MBOAT1: variants seen among roughly 807,000 people sequenced by gnomAD.
The protein encoded by MBOAT1 is membrane bound glycerophospholipid O-acyltransferase 1, also known as membrane-bound glycerophospholipid O-acyltransferase 1.
Under a neutral mutation model 64.4 loss-of-function variants are expected in MBOAT1, and 67 were observed. That is an observed-to-expected ratio of 1.04 (90% CI 0.85 to 1.27). The LOEUF (loss-of-function observed/expected upper bound fraction) is 1.27. Among genes scored for constraint, MBOAT1 ranks in the 50% most tolerant of loss-of-function variants. The pLI, the probability that MBOAT1 is intolerant of heterozygous loss-of-function variation, is 0.00. For synonymous variants in MBOAT1, 229 were observed against 218.9 expected (o/e 1.05, Z -0.41); for missense variants, 563 against 604.6 (o/e 0.93, Z 0.72).
intron 8 of MBOAT1, among the ~76,000 whole-genome samples, chr6:20,121,973 T>C (rs1760505494): frequency 6.6e-6 from 1 of 152,054 alleles, no homozygotes; most frequent in African/African-American, 2.4e-5. Context: ...AAGACCAGCC[T>C]GGCCAACATG....
chr6:20,105,626 C>T (rs1581391225), intron 12 of MBOAT1, among the ~76,000 whole-genome samples: 1 of 152,026 alleles, frequency 6.6e-6, no homozygotes, highest in African/African-American at 2.4e-5. Context: ...TAGGCGGGTG[C>T]GGTCGCACGT....
intron 1 of MBOAT1, among the ~76,000 whole-genome samples, chr6:20,164,788 T>C (rs544476106): frequency 6.7e-4 from 102 of 152,280 alleles, no homozygotes; most frequent in African/African-American, 2.1e-3. Flanking sequence ...TTTATGATGG[T>C]TCGACTTACG....
At chr6:20,183,922 AG>A (rs1431394868) in intron 1 of MBOAT1, among the ~76,000 whole-genome samples, 1 of 152,202 alleles carries the variant, frequency 6.6e-6, no homozygotes, top group Non-Finnish European at 1.5e-5. Flanking sequence ...AAAATGAGGA[AG>A]AAGTAAAAGT....
intron 11 of MBOAT1, among the ~76,000 whole-genome samples, chr6:20,110,144 T>C (rs6918747): frequency 0.098 from 14,878 of 151,524 alleles, 1,276 homozygotes; most frequent in African/African-American, 0.23. Context: ...TTCCTGACCT[T>C]GTGATCTGCC....
At position 20,128,440 on chromosome 6, in the gene MBOAT1, C is replaced by T. The variant is rs569766479; in HGVS notation, c.530+259G>A. Among the ~76,000 whole-genome samples the T allele has an allele frequency of 7.9e-4, 121 of 152,204 alleles. 1 individual carries two copies. Among genetic ancestry groups the T allele is most frequent in the African/African-American group, 2.6e-3 (109 of 41,538 alleles). ...CAGTTCTATTTACTCTTTGACCTAA[C>T]GATTCTACTTCTGAGACTCTATCCT... On this transcript the variant is annotated intron_variant, in intron 6 of 12. Coordinates refer to ENST00000324607, the MANE Select transcript of MBOAT1 (RefSeq NM_001080480.3).
chr6:20,201,705 C>T (rs1174674101), intron 1 of MBOAT1, among the ~76,000 whole-genome samples: 1 of 151,678 alleles, frequency 6.6e-6, no homozygotes, highest in Non-Finnish European at 1.5e-5. Flanking sequence ...CTCAGCCTCC[C>T]GAGTAGCTGG....
chr6:20,109,582 A>T lies in MBOAT1; in HGVS notation c.1361+16T>A, dbSNP rs190737911. On this transcript the variant is annotated intron_variant, in intron 12 of 12. Coordinates refer to ENST00000324607, the MANE Select transcript of MBOAT1 (RefSeq NM_001080480.3). ...AGTCATTTACGAGATGGCAACTGAG[A>T]ACAACGGAAACTTACTTGTATAAGC... 2,438 of 1,602,796 alleles carry T rather than the reference A, an allele frequency of 1.5e-3. 10 individuals are homozygous for T. The highest frequency in any genetic ancestry group is 1.5e-3 in the Non-Finnish European group (1,792 of 1,172,468).
At chr6:20,208,901 CTG>C (rs1763343073) in intron 1 of MBOAT1, among the ~76,000 whole-genome samples, 1 of 152,222 alleles carries the variant, frequency 6.6e-6, no homozygotes, top group Admixed American at 6.5e-5. Context: ...AATGACGTAA[CTG>C]TGCACTACAC....
At chr6:20,132,925 CTG>C (rs1301835862) in intron 4 of MBOAT1, among the ~76,000 whole-genome samples, 4 of 152,218 alleles carry the variant, frequency 2.6e-5, no homozygotes, top group Admixed American at 1.3e-4. Context: ...ATCCACTTCT[CTG>C]TGAGTCTATT....
In MBOAT1 at chr6:20,115,320, GT is replaced by G; in HGVS notation, c.1043del (p.Asn348ThrfsTer10). The G allele has an allele frequency of 1.2e-6, 2 of 1,614,002 alleles. No homozygotes were observed. Among genetic ancestry groups the G allele is most frequent in the African/African-American group, 2.7e-5 (2 of 75,012 alleles). ...GCCAAGTAGCTGTCTGAATATTCCA[GT>G]TTTCCAAGTACATTTTGAAACTTGT... ...TATSFKMYLE[N>X]WNIQTATWLK... is the part of the protein sequence containing the mutation. On this transcript the variant is annotated frameshift_variant, in exon 10 of 13. Coordinates refer to ENST00000324607, the MANE Select transcript of MBOAT1 (RefSeq NM_001080480.3). LOFTEE classifies it high-confidence loss of function.
chr6:20,173,251 T>C (rs1020159959), intron 1 of MBOAT1, among the ~76,000 whole-genome samples: 1 of 152,144 alleles, frequency 6.6e-6, no homozygotes, highest in Non-Finnish European at 1.5e-5. Context: ...AATGGACTAA[T>C]ACAGATGGAT....
At chr6:20,155,893 C>T (rs1345996357) in intron 1 of MBOAT1, among the ~76,000 whole-genome samples, 1 of 152,122 alleles carries the variant, frequency 6.6e-6, no homozygotes, top group Non-Finnish European at 1.5e-5. Context: ...AAAGTTTTCC[C>T]CAATCCCTTT....
intron 4 of MBOAT1, among the ~76,000 whole-genome samples, chr6:20,137,333 G>A (rs1217078079): frequency 6.6e-6 from 1 of 152,152 alleles, no homozygotes; most frequent in Non-Finnish European, 1.5e-5. Flanking sequence ...AAGGAAATAA[G>A]AGTTCTTGCT....
intron 11 of MBOAT1, among the ~76,000 whole-genome samples, chr6:20,111,837 C>CGTATATATATACGTATATATACGT (rs1452889365): frequency 1.1e-5 from 1 of 92,630 alleles, no homozygotes; most frequent in African/African-American, 3.6e-5. Context: ...TATATATACA[C>CGTATATATATACGTATATATACGT]ATATATATAC....
intron 9 of MBOAT1, among the ~76,000 whole-genome samples, chr6:20,116,376 A>G (rs1432646692): frequency 6.6e-6 from 1 of 152,180 alleles, no homozygotes; most frequent in African/African-American, 2.4e-5. Context: ...TGATGCAAAC[A>G]TACAAGGATC....
chr6:20,200,900 G>C (rs1387833280), intron 1 of MBOAT1, among the ~76,000 whole-genome samples: 2 of 152,204 alleles, frequency 1.3e-5, no homozygotes, highest in East Asian at 3.8e-4. Context: ...ATGGTGCTCA[G>C]CCAAGGAGCA....
At chr6:20,144,188 T>C (rs1761260314) in intron 4 of MBOAT1, 32 bp downstream of exon 4, 14 of 1,453,884 alleles carry the variant, frequency 9.6e-6, no homozygotes, top group Non-Finnish European at 1.2e-5. Flanking sequence ...AAGTCAGCAG[T>C]AAAACCCCTC....
At chr6:20,131,024 C>G in intron 5 of MBOAT1, 120 bp downstream of exon 5, 2 of 842,782 alleles carry the variant, frequency 2.4e-6, no homozygotes, top group Non-Finnish European at 3.8e-6. Flanking sequence ...AAATTTTGAA[C>G]AAGATAAAGC....
intron 1 of MBOAT1, among the ~76,000 whole-genome samples, chr6:20,201,772 G>C (rs920282643): frequency 4.0e-5 from 6 of 151,806 alleles, no homozygotes; most frequent in Non-Finnish European, 8.8e-5. Flanking sequence ...GTAGAGATGG[G>C]GGTTTCACCA....
Sources: gnomAD v4.1 joint callset for allele counts (sites outside exome capture counted in the v4.1 genomes callset) on GRCh38, gnomAD v4.1.1 for gene constraint, MANE v1.5 for transcripts, NCBI Gene and HGNC (gene_info 2026-07-23, HGNC 2026-07-21) for gene names.